The following ZNF521 variants were observed in gnomAD, a reference collection of about 807,000 sequenced individuals.
ZNF521 encodes the protein zinc finger protein 521, also known as LYST-interacting protein 3.
In ZNF521, 14 loss-of-function variants were observed where a neutral mutation model predicts 105.5. The observed-to-expected ratio is 0.13, with a 90% confidence interval of 0.09 to 0.21. The LOEUF (loss-of-function observed/expected upper bound fraction) is 0.21, where lower values mean the gene tolerates loss of function less well. Among genes scored for constraint, ZNF521 ranks in the 10% least tolerant of loss-of-function variants. The pLI, the probability that ZNF521 is intolerant of heterozygous loss-of-function variation, is 1.00. For missense variants in ZNF521, 1,233 were observed against 1,629.7 expected (o/e 0.76, Z 4.19); for synonymous variants, 635 against 606.0 (o/e 1.05, Z -0.70).
At chr18:25,082,639 C>T in intron 7 of ZNF521, 1 of 420,236 alleles carries the variant, frequency 2.4e-6, no homozygotes, top group East Asian at 7.5e-5. Flanking sequence ...GGTTTGAGAC[C>T]AGCCTGGGCA....
intron 5 of ZNF521, among the ~76,000 whole-genome samples, chr18:25,193,610 T>C (rs1332138824): frequency 6.6e-6 from 1 of 152,042 alleles, no homozygotes; most frequent in African/African-American, 2.4e-5. Context: ...TTTTCTAAGC[T>C]GCTCCTCTCC....
At chr18:25,118,397 T>G (rs895475615) in intron 5 of ZNF521, among the ~76,000 whole-genome samples, 1 of 152,032 alleles carries the variant, frequency 6.6e-6, no homozygotes, top group African/African-American at 2.4e-5. Context: ...TAATTATTTT[T>G]CTTTTTAATT....
Position 25,226,797 on chromosome 18 carries a change from G to A in ZNF521, c.1121C>T (p.Ala374Val). 1 of 1,614,104 alleles carries A rather than the reference G, an allele frequency of 6.2e-7. No homozygotes were observed. The highest frequency in any genetic ancestry group is 8.5e-7 in the Non-Finnish European group (1 of 1,179,994). The change falls in exon 4 of 8, where the codon GCC becomes GTC. Residue 374 changes from alanine to valine, a missense_variant. Physicochemically the swap from Ala to Val is moderately conservative, Grantham distance 64 (BLOSUM62 0). Transcript: ENST00000361524. The surrounding 1 kb of genome is among the most constrained non-coding windows in gnomAD (Gnocchi z 4.1). Reference sequence around the variant, plus strand: ...CCCTCGACTCTTTGGGATTGGCGGGGCAGCTTCCACCATGGTTGAGCTGTC... The same window carrying A: ...CCCTCGACTCTTTGGGATTGGCGGGACAGCTTCCACCATGGTTGAGCTGTC... ...SVDSSTMVEA[A>V]PPIPKSRGRK... is the part of the protein sequence containing the mutation.
At chr18:25,090,038 G>T (rs2033709826) in intron 6 of ZNF521, among the ~76,000 whole-genome samples, 1 of 152,078 alleles carries the variant, frequency 6.6e-6, no homozygotes, top group Non-Finnish European at 1.5e-5. Context: ...CTACTCTGGG[G>T]CACTGTCTAT....
chr18:25,268,487 C>T (rs1453065881), intron 3 of ZNF521, among the ~76,000 whole-genome samples: 1 of 152,098 alleles, frequency 6.6e-6, no homozygotes. Context: ...GTCAGATTCA[C>T]CAAGGTTGAA....
rs538534020 is a variant in ZNF521, at chr18:25,062,194, C to G, written c.*518G>C. 1.6e-4 allele frequency: 32 copies of G among 204,488 alleles called. No individual in the cohort carries two copies. The highest frequency in any genetic ancestry group is 7.1e-4 in the African/African-American group (31 of 43,698). 12.7% of individuals were successfully genotyped at this position (204,488 alleles called of 1,614,324 possible). On this transcript the variant is annotated 3_prime_UTR_variant, in exon 8 of 8. Coordinates refer to ENST00000361524, the MANE Select transcript of ZNF521 (RefSeq NM_015461.3). ...TGCAAGGCTTACAAATATATATATA[C>G]GGGCCTTATCCAGCTGTGGGGTTCT...
At chr18:25,309,387 G>T (rs932406902) in intron 3 of ZNF521, among the ~76,000 whole-genome samples, 1 of 152,150 alleles carries the variant, frequency 6.6e-6, no homozygotes, top group Non-Finnish European at 1.5e-5. Context: ...AATGGACTAA[G>T]GCTTGTACCC....
intron 3 of ZNF521, among the ~76,000 whole-genome samples, chr18:25,264,344 A>C (rs1909107174): frequency 6.6e-6 from 1 of 152,252 alleles, no homozygotes; most frequent in Non-Finnish European, 1.5e-5. Context: ...TGTCATTAAC[A>C]AATTTCTGGA....
At position 25,227,847 on chromosome 18, in the gene ZNF521, T is replaced by C; in HGVS notation, c.221-150A>G. ...AAAGAGAGAATATTTGAGTGAGACA[T>C]TTTCAAATCTGAGCCCAAAGCAGTT... On this transcript the variant is annotated intron_variant, in intron 3 of 7. Coordinates refer to ENST00000361524, the MANE Select transcript of ZNF521 (RefSeq NM_015461.3). The surrounding 1 kb of genome is among the most constrained non-coding windows in gnomAD (Gnocchi z 5.7). 1.5e-6 allele frequency: 1 copy of C among 676,382 alleles called. No individual in the cohort carries two copies. The allele number at this position is 676,382 out of a possible 1,614,324, so 41.9% of individuals were successfully genotyped here.
chr18:25,087,611 C>A (rs8096570), intron 7 of ZNF521, among the ~76,000 whole-genome samples: 1 of 152,002 alleles, frequency 6.6e-6, no homozygotes, highest in South Asian at 2.1e-4. Context: ...TTGGCCATAT[C>A]CTTTATAGAT....
chr18:25,075,332 G>A (rs143878778), intron 7 of ZNF521, among the ~76,000 whole-genome samples: 2 of 152,330 alleles, frequency 1.3e-5, no homozygotes, highest in Non-Finnish European at 2.9e-5. Flanking sequence ...CTGGACAAGA[G>A]GAAGAGAAAT....
intron 5 of ZNF521, among the ~76,000 whole-genome samples, chr18:25,118,492 T>G (rs1446254220): frequency 6.6e-6 from 1 of 152,074 alleles, no homozygotes; most frequent in African/African-American, 2.4e-5. Context: ...ATAATACATA[T>G]GAAATCTATA....
intron 2 of ZNF521, among the ~76,000 whole-genome samples, chr18:25,323,239 C>T (rs72876414): frequency 0.086 from 13,055 of 151,862 alleles, 710 homozygotes; most frequent in Middle Eastern, 0.18. Context: ...TCTCAAAATA[C>T]GGTAAAATTA....
intron 3 of ZNF521, among the ~76,000 whole-genome samples, chr18:25,253,073 ACTTCT>A (rs1908229696): frequency 6.6e-6 from 1 of 152,128 alleles, no homozygotes; most frequent in Non-Finnish European, 1.5e-5. Flanking sequence ...TTTCACTTTA[ACTTCT>A]GTAAGTAACT....
chr18:25,141,069 G>A (rs548731372), intron 5 of ZNF521, among the ~76,000 whole-genome samples: 1 of 152,250 alleles, frequency 6.6e-6, no homozygotes, highest in African/African-American at 2.4e-5. Context: ...TTCCTCTCAA[G>A]AAGCAGATCG....
chr18:25,187,839 G>A (rs2035753187), intron 5 of ZNF521, among the ~76,000 whole-genome samples: 1 of 152,124 alleles, frequency 6.6e-6, no homozygotes, highest in Admixed American at 6.6e-5. Flanking sequence ...CCTGAGACTA[G>A]TAACAGGGGG....
At chr18:25,282,902 T>C (rs1910466445) in intron 3 of ZNF521, among the ~76,000 whole-genome samples, 1 of 151,528 alleles carries the variant, frequency 6.6e-6, no homozygotes, top group Admixed American at 6.6e-5. Context: ...CCACGTGGAG[T>C]AGAGATAAAA....
chr18:25,267,212 A>G lies in ZNF521; in HGVS notation c.221-39515T>C, dbSNP rs555241095. ...GCAGCTCAGCAAGGCCTCTGCGGCC[A>G]GACTGCCTCTCTAGATTCCTCCTCT... On this transcript the variant is annotated intron_variant, in intron 3 of 7. Transcript: ENST00000361524. Among the ~76,000 whole-genome samples, 16 of 152,338 alleles carry G rather than the reference A, an allele frequency of 1.1e-4. No individual in the cohort carries two copies. The East Asian group carries it at 2.5e-3, about 24-fold the overall frequency.
At chr18:25,126,453 C>T (rs1039702819) in intron 5 of ZNF521, among the ~76,000 whole-genome samples, 2 of 152,042 alleles carry the variant, frequency 1.3e-5, no homozygotes, top group East Asian at 1.9e-4. Flanking sequence ...TTTTTCTATT[C>T]CCTCTGTAGT....
Sources: gnomAD v4.1 joint callset for allele counts (sites outside exome capture counted in the v4.1 genomes callset) on GRCh38, gnomAD v4.1.1 for gene constraint, Gnocchi (gnomAD v3.1) non-coding constraint, MANE v1.5 for transcripts, NCBI Gene and HGNC (gene_info 2026-07-23, HGNC 2026-07-21) for gene names.